CLASP2: variants seen among roughly 807,000 people sequenced by gnomAD.
CLASP2 encodes the protein CLIP-associating protein 2.
CLASP2 carries 47 observed loss-of-function variants against 194.4 expected under a neutral mutation model. The observed-to-expected ratio is 0.24, with a 90% CI of 0.19 to 0.31. The LOEUF is 0.31. CLASP2 is among the 10% of genes least tolerant of loss of function. The probability of loss-of-function intolerance (pLI) is 1.00; values close to 1 mark genes in which losing one functional copy is unlikely to be tolerated. For synonymous variants in CLASP2, 619 were observed against 633.5 expected (o/e 0.98, Z 0.34); for missense variants, 1,445 against 1,823.6 (o/e 0.79, Z 3.78).
intron 27 of CLASP2, among the ~76,000 whole-genome samples, chr3:33,561,427 A>T (rs1273768498): frequency 6.6e-6 from 1 of 152,258 alleles, no homozygotes; most frequent in African/African-American, 2.4e-5. Flanking sequence ...GACTAATTAG[A>T]GAATCCTCAG....
intron 18 of CLASP2, among the ~76,000 whole-genome samples, chr3:33,599,305 T>C (rs1260494159): frequency 6.6e-6 from 1 of 152,002 alleles, no homozygotes; most frequent in African/African-American, 2.4e-5. Flanking sequence ...TTTATTTTGG[T>C]AGAGGTGTGG....
chr3:33,665,858 A>G (rs1177752077), intron 6 of CLASP2, among the ~76,000 whole-genome samples: 1 of 152,224 alleles, frequency 6.6e-6, no homozygotes, highest in Admixed American at 6.5e-5. Flanking sequence ...TAAACAATTT[A>G]AGAGCAGAAA....
intron 7 of CLASP2, among the ~76,000 whole-genome samples, chr3:33,651,404 AC>A (rs1465515588): frequency 1.1e-3 from 158 of 140,808 alleles, no homozygotes; most frequent in Non-Finnish European, 2.0e-3. Flanking sequence ...AAAAAAAAAA[AC>A]CCAGAAAACA....
At chr3:33,607,511 C>T in intron 14 of CLASP2, 50 bp from the exon 15 acceptor site, 1 of 1,336,042 alleles carries the variant, frequency 7.5e-7, no homozygotes, top group African/African-American at 1.5e-5. Flanking sequence ...GTATGTTTCA[C>T]CACAAATGGT....
chr3:33,584,985 A>C (rs913491304), intron 21 of CLASP2, 65 bp from the exon 22 acceptor site: 20 of 1,416,780 alleles, frequency 1.4e-5, no homozygotes, highest in Non-Finnish European at 5.8e-6. Context: ...TGAAAGGATA[A>C]AAATTCAAGA....
At chr3:33,614,733 G>A (rs1489351741) in intron 12 of CLASP2, among the ~76,000 whole-genome samples, 1 of 152,090 alleles carries the variant, frequency 6.6e-6, no homozygotes, top group African/African-American at 2.4e-5. Context: ...CAGGCGGATC[G>A]CCTCACTTTC....
intron 36 of CLASP2, 76 bp from the exon 37 acceptor site, chr3:33,510,840 G>T: frequency 1.6e-6 from 2 of 1,270,662 alleles, no homozygotes; most frequent in Non-Finnish European, 2.2e-6. Context: ...TAAACTTCAT[G>T]AAGTATTCAA....
At chr3:33,582,047 G>T in intron 22 of CLASP2, 119 bp from the exon 23 acceptor site, 1 of 611,424 alleles carries the variant, frequency 1.6e-6, no homozygotes, top group South Asian at 2.1e-5. Context: ...TTTTTCTAAG[G>T]CTGAAAAGAA....
rs764713782 is a variant in CLASP2 at position 33,564,351 on chromosome 3, T to C, written c.2766+2381A>G. Among the ~76,000 whole-genome samples, 33 of 152,316 alleles carry C rather than the reference T, an allele frequency of 2.2e-4. 1 individual carries two copies. The highest frequency in any genetic ancestry group is 3.7e-4 in the Non-Finnish European group (25 of 68,024). On this transcript the variant is annotated intron_variant, in intron 27 of 38. Transcript: ENST00000682230. Reference sequence around the variant, plus strand: ...TTCTTTTTATTTCCTATAAACTTTCTAGCATCTCCCACTTCTTTTTCTGGA... The same window carrying C: ...TTCTTTTTATTTCCTATAAACTTTCCAGCATCTCCCACTTCTTTTTCTGGA...
intron 25 of CLASP2, among the ~76,000 whole-genome samples, chr3:33,572,827 T>C (rs1241713152): frequency 6.6e-6 from 1 of 151,862 alleles, no homozygotes; most frequent in Non-Finnish European, 1.5e-5. Context: ...TTATTAAATA[T>C]TAAAATTAAT....
intron 6 of CLASP2, among the ~76,000 whole-genome samples, chr3:33,678,623 T>C (rs2089263899): frequency 6.6e-6 from 1 of 152,164 alleles, no homozygotes; most frequent in Non-Finnish European, 1.5e-5. Context: ...TTGCCAGTAG[T>C]GCAAGAAATG....
At chr3:33,699,136 G>T (rs560395089) in intron 1 of CLASP2, among the ~76,000 whole-genome samples, 1 of 152,230 alleles carries the variant, frequency 6.6e-6, no homozygotes, top group African/African-American at 2.4e-5. Context: ...GAGAAGGAAA[G>T]AATCAGGGAA....
At chr3:33,651,921 A>C (rs1307995989) in intron 7 of CLASP2, among the ~76,000 whole-genome samples, 1 of 152,142 alleles carries the variant, frequency 6.6e-6, no homozygotes, top group Non-Finnish European at 1.5e-5. Flanking sequence ...GGCCTCCCAA[A>C]GTGCAGGGAT....
chr3:33,600,953 C>CA, intron 18 of CLASP2, among the ~76,000 whole-genome samples: 1 of 105,782 alleles, frequency 9.5e-6, no homozygotes, highest in East Asian at 2.8e-4. Flanking sequence ...CTTGATAAGG[C>CA]TTTTTTTTTT....
intron 23 of CLASP2, among the ~76,000 whole-genome samples, chr3:33,578,901 G>A (rs943010087): frequency 2.0e-5 from 3 of 152,158 alleles, no homozygotes; most frequent in Admixed American, 6.6e-5. Context: ...TATTTCTGAT[G>A]CTTTAGGGCC....
chr3:33,562,025 C>T (rs2061867599), intron 27 of CLASP2, among the ~76,000 whole-genome samples: 1 of 152,128 alleles, frequency 6.6e-6, no homozygotes, highest in East Asian at 1.9e-4. Context: ...TCCCTTCATA[C>T]AGTTATAGAT....
At chr3:33,498,754 G>C in intron 38 of CLASP2, 37 bp from the exon 39 acceptor site, 1 of 1,362,964 alleles carries the variant, frequency 7.3e-7, no homozygotes, top group Non-Finnish European at 1.0e-6. Flanking sequence ...ATTTGAGCAA[G>C]CTGCTCCAAA....
chr3:33,501,667 T>C lies in CLASP2; in HGVS notation c.4419A>G (p.Gln1473=), dbSNP rs746235354. 13 of 1,610,920 alleles carry C rather than the reference T, an allele frequency of 8.1e-6. No homozygotes were observed. In the East Asian group the frequency reaches 2.9e-4, roughly 36 times the overall value. The change falls in exon 38 of 39, where the codon CAA becomes CAG. Residue 1473 remains glutamine, a synonymous_variant. Coordinates refer to ENST00000682230, the MANE Select transcript of CLASP2 (RefSeq NM_001365631.1). ...IGDELKPHLS[Q]LTGSKMKLLN... is the part of the protein sequence containing the mutation. ...CACTACTTACTTTACTGCCAGTAAG[T>C]TGACTGAGATGTGGTTTTAGTTCAT...
At chr3:33,620,207 C>G (rs762656070) in intron 11 of CLASP2, among the ~76,000 whole-genome samples, 1 of 152,136 alleles carries the variant, frequency 6.6e-6, no homozygotes, top group Non-Finnish European at 1.5e-5. Flanking sequence ...TAGTATCACG[C>G]CTTTTTTAGT....
Sources: gnomAD v4.1 joint callset for allele counts (sites outside exome capture counted in the v4.1 genomes callset) on GRCh38, gnomAD v4.1.1 for gene constraint, MANE v1.5 for transcripts, NCBI Gene and HGNC (gene_info 2026-07-23, HGNC 2026-07-21) for gene names.